Variants in CTNNA2 observed in about 807,000 individuals in gnomAD.
CTNNA2 encodes catenin alpha 2.
Under a neutral mutation model 101.0 loss-of-function variants are expected in CTNNA2, and 42 were observed. The observed-to-expected ratio is 0.42, with a 90% confidence interval of 0.32 to 0.54. The LOEUF (loss-of-function observed/expected upper bound fraction) is 0.54. Ranked by LOEUF, CTNNA2 falls within the 20% of genes least tolerant of loss-of-function variation. CTNNA2 has a pLI of 0.14. For synonymous variants in CTNNA2, 450 were observed against 456.4 expected (o/e 0.99, Z 0.18); for missense variants, 871 against 1,223.1 (o/e 0.71, Z 4.29).
In CTNNA2 at chr2:80,129,670, T is replaced by C. The variant is rs1027508376; in HGVS notation, c.1056+219873T>C. On this transcript the variant is annotated intron_variant, in intron 7 of 18. Coordinates refer to ENST00000402739, the MANE Select transcript of CTNNA2 (RefSeq NM_001282597.3). ...GCTAACTGGTACGCATATAAGATCATCTCATCCTTAACTACAACTCTATAA... is the reference window on the plus strand; with the variant it reads ...GCTAACTGGTACGCATATAAGATCACCTCATCCTTAACTACAACTCTATAA... Among the ~76,000 whole-genome samples, 53 of 152,334 alleles carry C rather than the reference T, an allele frequency of 3.5e-4. 1 individual carries two copies. Among genetic ancestry groups the C allele is most frequent in the African/African-American group, 1.2e-3 (50 of 41,576 alleles).
At chr2:79,462,079 C>A (rs1868924) in intron 4 of CTNNA2, among the ~76,000 whole-genome samples, 66,899 of 151,824 alleles carry the variant, frequency 0.44, 16,010 homozygotes, top group East Asian at 0.64. Context: ...GGAAAAGTTA[C>A]AAATAAGAAC....
intron 7 of CTNNA2, chr2:80,305,234 T>C (rs2149214938): frequency 1.0e-6 from 1 of 985,310 alleles, no homozygotes; most frequent in Non-Finnish European, 1.2e-6. Flanking sequence ...CAGCCCTTTT[T>C]TGAGGTGGAG....
intron 9 of CTNNA2, among the ~76,000 whole-genome samples, chr2:80,459,690 T>C (rs1173700910): frequency 6.6e-6 from 1 of 152,120 alleles, no homozygotes; most frequent in African/African-American, 2.4e-5. Context: ...ATACACTTGA[T>C]TTTGCTTCCT....
At chr2:80,539,228 A>G in intron 9 of CTNNA2, among the ~76,000 whole-genome samples, 1 of 152,034 alleles carries the variant, frequency 6.6e-6, no homozygotes, top group Non-Finnish European at 1.5e-5. Context: ...TTAAAGAGTT[A>G]CAGGATAGAT....
chr2:79,982,479 A>G (rs1691446830), intron 7 of CTNNA2, among the ~76,000 whole-genome samples: 1 of 143,196 alleles, frequency 7.0e-6, no homozygotes, highest in African/African-American at 2.9e-5. Context: ...AACTACACAC[A>G]CACACACACA....
At chr2:79,664,313 T>C (rs1017458443) in intron 2 of CTNNA2, among the ~76,000 whole-genome samples, 51 of 152,342 alleles carry the variant, frequency 3.3e-4, no homozygotes, top group African/African-American at 1.2e-3. Flanking sequence ...TTTTTAATTA[T>C]TACTGTTCAA....
At chr2:80,005,061 C>T (rs1376635859) in intron 7 of CTNNA2, among the ~76,000 whole-genome samples, 1 of 152,074 alleles carries the variant, frequency 6.6e-6, no homozygotes, top group Non-Finnish European at 1.5e-5. Context: ...AGGTCTTGCC[C>T]AGGGAGATAG....
chr2:80,484,310 G>A (rs980248388), intron 9 of CTNNA2, among the ~76,000 whole-genome samples: 4 of 152,134 alleles, frequency 2.6e-5, no homozygotes, highest in African/African-American at 7.2e-5. Context: ...ACAAAGAGCA[G>A]TTAAAGAGGT....
At chr2:80,533,381 T>C (rs1426039461) in intron 9 of CTNNA2, among the ~76,000 whole-genome samples, 2 of 152,186 alleles carry the variant, frequency 1.3e-5, no homozygotes, top group Non-Finnish European at 2.9e-5. Flanking sequence ...TCCTGACTGT[T>C]TTCCTTATTC....
At chr2:79,823,786 T>A (rs1163575136) in intron 3 of CTNNA2, among the ~76,000 whole-genome samples, 4 of 152,116 alleles carry the variant, frequency 2.6e-5, no homozygotes, top group African/African-American at 4.8e-5. Flanking sequence ...AAATAAAGGT[T>A]TTTTTTGTCA....
intron 7 of CTNNA2, among the ~76,000 whole-genome samples, chr2:79,917,499 G>A (rs1359423511): frequency 2.6e-5 from 4 of 152,292 alleles, no homozygotes; most frequent in East Asian, 1.9e-4. Flanking sequence ...TAGTTGGCAC[G>A]GAAGTCTTTC....
intron 4 of CTNNA2, among the ~76,000 whole-genome samples, chr2:79,449,030 A>G (rs114541718): frequency 1.2e-4 from 19 of 152,132 alleles, no homozygotes; most frequent in African/African-American, 4.6e-4. Context: ...AAACCGCATG[A>G]TGCAGTCTAC....
intron 9 of CTNNA2, among the ~76,000 whole-genome samples, chr2:80,448,455 C>G (rs986282222): frequency 6.6e-6 from 1 of 152,158 alleles, no homozygotes; most frequent in Admixed American, 6.5e-5. Flanking sequence ...TTTGTTTCGC[C>G]TAGCCTGTGT....
chr2:79,827,720 G>GT (rs899367829), intron 3 of CTNNA2, among the ~76,000 whole-genome samples: 10 of 152,120 alleles, frequency 6.6e-5, no homozygotes, highest in African/African-American at 9.6e-5. Context: ...CAAATATATG[G>GT]TTTTTTTTAA....
At chr2:80,408,863 T>A (rs1679299408) in intron 8 of CTNNA2, among the ~76,000 whole-genome samples, 1 of 152,170 alleles carries the variant, frequency 6.6e-6, no homozygotes, top group Non-Finnish European at 1.5e-5. Context: ...CACCTGACTC[T>A]GGCATTTTCT....
chr2:80,087,484 G>A (rs141814583), intron 7 of CTNNA2, among the ~76,000 whole-genome samples: 7 of 152,082 alleles, frequency 4.6e-5, no homozygotes, highest in East Asian at 3.9e-4. Flanking sequence ...GTGTAAATAC[G>A]GGATGGATTT....
intron 9 of CTNNA2, among the ~76,000 whole-genome samples, chr2:80,534,558 T>A (rs928866692): frequency 2.0e-5 from 3 of 152,200 alleles, no homozygotes; most frequent in Admixed American, 1.3e-4. Flanking sequence ...GTAGGGATTC[T>A]GTCCTGCAAG....
chr2:79,337,662 A>G (rs1391945099), intron 3 of CTNNA2, among the ~76,000 whole-genome samples: 4 of 152,202 alleles, frequency 2.6e-5, no homozygotes, highest in African/African-American at 9.7e-5. Context: ...TCATCTGTAA[A>G]ATGGAAAGTT....
At chr2:79,990,094 T>C (rs1316993640) in intron 7 of CTNNA2, among the ~76,000 whole-genome samples, 1 of 152,124 alleles carries the variant, frequency 6.6e-6, no homozygotes, top group Non-Finnish European at 1.5e-5. Flanking sequence ...TGAGAGAGGC[T>C]CCATGCCCTT....
Sources: allele counts gnomAD v4.1 joint callset (sites outside exome capture counted in the v4.1 genomes callset), GRCh38; gene constraint gnomAD v4.1.1; transcripts MANE v1.5; gene names NCBI Gene and HGNC (gene_info 2026-07-23, HGNC 2026-07-21).